EEPD1: variants seen among roughly 807,000 people sequenced by gnomAD.
EEPD1 encodes the protein endonuclease/exonuclease/phosphatase family domain containing 1, also known as endonuclease/exonuclease/phosphatase family domain-containing protein 1.
A neutral mutation model predicts 46.3 loss-of-function variants in EEPD1; 17 were observed. That is an observed-to-expected ratio of 0.37 (90% CI 0.25 to 0.55). The LOEUF is 0.55. Among genes scored for constraint, EEPD1 ranks in the 20% least tolerant of loss-of-function variants. The pLI is 0.83. For missense variants in EEPD1, 673 were observed against 745.6 expected (o/e 0.90, Z 1.13); for synonymous variants, 313 against 315.6 (o/e 0.99, Z 0.09).
chr7:36,294,642 G>A (rs992311080), intron 6 of EEPD1, among the ~76,000 whole-genome samples: 2 of 152,004 alleles, frequency 1.3e-5, no homozygotes, highest in Non-Finnish European at 2.9e-5. Flanking sequence ...TTTAACTTTT[G>A]TGTGCTTCAG....
At position 36,299,161 on chromosome 7, in the gene EEPD1, G is replaced by C; in HGVS notation, c.1665G>C (p.Gly555=). 1 of 1,614,218 alleles carries C rather than the reference G, an allele frequency of 6.2e-7. No homozygotes were observed. ...SKKDAPRNGS[G]VALERSEANI... ...AGGATGCCCCTCGGAACGGCAGCGG[G>C]GTGGCCTTGGAGCGAAGTGAAGCCA... is the stretch of plus-strand genomic sequence containing the variant. The change falls in exon 8 of 8, where the codon GGG becomes GGC. Residue 555 remains glycine (G), a synonymous_variant. Transcript: ENST00000242108.
rs773807961 is a variant in EEPD1, at chr7:36,297,098, C to T, written c.1421C>T (p.Thr474Ile). 1 of 1,614,244 alleles carries T rather than the reference C, an allele frequency of 6.2e-7. No homozygotes were observed. The highest frequency in any genetic ancestry group is 2.2e-5 in the East Asian group (1 of 44,888). ...TTCCACCACCTGATCCCCGCGCACA[C>T]CTTCACCAACATCAGCACCAAGAAC... ...EKFHHLIPAH[T>I]FTNISTKNPQ... Residue 474 changes from threonine (T) to isoleucine (I), a missense_variant, in exon 7 of 8, where the codon ACC becomes ATC. By Grantham distance (89) the Thr-to-Ile change is moderately conservative. Coordinates refer to ENST00000242108, the MANE Select transcript of EEPD1 (RefSeq NM_030636.3).
intron 2 of EEPD1, among the ~76,000 whole-genome samples, chr7:36,158,627 G>T (rs1027446165): frequency 2.0e-5 from 3 of 152,164 alleles, no homozygotes; most frequent in African/African-American, 4.8e-5. Context: ...CATGCTGGTA[G>T]CACAGAACTG....
chr7:36,243,500 T>C (rs916345323), intron 3 of EEPD1, among the ~76,000 whole-genome samples: 2 of 152,188 alleles, frequency 1.3e-5, no homozygotes, highest in African/African-American at 4.8e-5. Context: ...TTTACTGTCA[T>C]GCAGCTGAGC....
intron 2 of EEPD1, among the ~76,000 whole-genome samples, chr7:36,213,999 G>C (rs535304823): frequency 3.8e-4 from 58 of 152,336 alleles, no homozygotes; most frequent in Non-Finnish European, 6.0e-4. Flanking sequence ...ATTCAGAGAA[G>C]ATGTTGGTGG....
intron 2 of EEPD1, among the ~76,000 whole-genome samples, chr7:36,212,954 A>G (rs1052887693): frequency 2.6e-5 from 4 of 152,112 alleles, no homozygotes. Flanking sequence ...AGAGTTCAAG[A>G]CCAGCCTGGC....
In EEPD1 at chr7:36,299,074, G is replaced by A. The variant is rs1460150866; in HGVS notation, c.1578G>A (p.Gly526=). 2 of 1,613,944 alleles carry A rather than the reference G, an allele frequency of 1.2e-6. No individual in the cohort carries two copies. Among genetic ancestry groups the A allele is most frequent in the African/African-American group, 2.7e-5 (2 of 74,876 alleles). ...TTCCGGATAACTGGTCTTGGGGCGG[G>A]GTGGCTTCTGAACACTGCCCAGTGC... ...PWIPDNWSWG[G]VASEHCPVLA... The change falls in exon 8 of 8, where the codon GGG becomes GGA. Residue 526 remains glycine, a synonymous_variant. Transcript: ENST00000242108.
intron 2 of EEPD1, among the ~76,000 whole-genome samples, chr7:36,167,769 G>A (rs1365652693): frequency 6.6e-6 from 1 of 152,108 alleles, no homozygotes; most frequent in Non-Finnish European, 1.5e-5. Context: ...AGGCTGAAGT[G>A]CAGTGGCGCC....
At chr7:36,244,108 T>C (rs1268491505) in intron 3 of EEPD1, among the ~76,000 whole-genome samples, 1 of 152,080 alleles carries the variant, frequency 6.6e-6, no homozygotes, top group Non-Finnish European at 1.5e-5. Flanking sequence ...AAAAAGGGCT[T>C]AGTTAGACAC....
intron 5 of EEPD1, among the ~76,000 whole-genome samples, 175 bp downstream of exon 5, chr7:36,284,995 C>T (rs1014249857): frequency 3.3e-5 from 5 of 152,112 alleles, no homozygotes. Flanking sequence ...GTGAACTTGT[C>T]CAGGGCAGGA....
At chr7:36,175,226 A>G (rs1338025423) in intron 2 of EEPD1, among the ~76,000 whole-genome samples, 2 of 152,194 alleles carry the variant, frequency 1.3e-5, no homozygotes, top group Non-Finnish European at 2.9e-5. Flanking sequence ...GCAGCTTTAC[A>G]CTAAACTTGA....
intron 4 of EEPD1, among the ~76,000 whole-genome samples, chr7:36,282,827 G>A (rs191263512): frequency 4.6e-5 from 7 of 152,230 alleles, no homozygotes; most frequent in Middle Eastern, 3.2e-3. Flanking sequence ...CTGCAGTATT[G>A]TGGGCCCAAT....
At chr7:36,268,600 T>C (rs1787059087) in intron 3 of EEPD1, among the ~76,000 whole-genome samples, 1 of 152,188 alleles carries the variant, frequency 6.6e-6, no homozygotes, top group Admixed American at 6.5e-5. Context: ...CAATGCTGGC[T>C]CCTGGCCCCA....
At chr7:36,244,904 C>G (rs1786612205) in intron 3 of EEPD1, among the ~76,000 whole-genome samples, 1 of 150,808 alleles carries the variant, frequency 6.6e-6, no homozygotes, top group Non-Finnish European at 1.5e-5. Context: ...TCCTGAGTAG[C>G]TGGGATTATA....
chr7:36,192,707 T>A (rs953596776), intron 2 of EEPD1, among the ~76,000 whole-genome samples: 16 of 152,242 alleles, frequency 1.1e-4, no homozygotes, highest in South Asian at 4.2e-4. Context: ...ACATTTTTTT[T>A]AAAAATGAGA....
Position 36,297,003 on chromosome 7 carries a change from T to C in EEPD1, c.1326T>C (p.Asp442=), listed in dbSNP as rs146771076. The change falls in exon 7 of 8, where the codon GAT becomes GAC. Residue 442 remains aspartate (D), a synonymous_variant. Transcript: ENST00000242108. ...TLQETLKGEK[D]VIILGDFGQG... The stretch of plus-strand genomic sequence containing the variant: ...TCCTTCCACTTCCAGGAGAAAAGGA[T>C]GTCATTATCTTAGGGGATTTTGGCC... 1 of 1,613,862 alleles carries C rather than the reference T, an allele frequency of 6.2e-7. No individual in the cohort carries two copies. Among genetic ancestry groups the C allele is most frequent in the Non-Finnish European group, 8.5e-7 (1 of 1,179,910 alleles).
chr7:36,285,184 G>A (rs556377990), intron 5 of EEPD1, among the ~76,000 whole-genome samples: 69 of 152,254 alleles, frequency 4.5e-4, no homozygotes, highest in African/African-American at 1.5e-3. Flanking sequence ...GGGATTATCC[G>A]GATGGCCTAC....
chr7:36,275,667 G>C (rs1012415366), intron 3 of EEPD1, among the ~76,000 whole-genome samples: 15 of 152,074 alleles, frequency 9.9e-5, no homozygotes, highest in African/African-American at 3.1e-4. Context: ...TCACCATGTT[G>C]GTCAGGCTGG....
At chr7:36,247,378 C>A (rs1481586011) in intron 3 of EEPD1, among the ~76,000 whole-genome samples, 1 of 152,106 alleles carries the variant, frequency 6.6e-6, no homozygotes, top group Non-Finnish European at 1.5e-5. Flanking sequence ...TCTCTTATTA[C>A]GTGCTTTTGG....
Sources: allele counts gnomAD v4.1 joint callset (sites outside exome capture counted in the v4.1 genomes callset), GRCh38; gene constraint gnomAD v4.1.1; transcripts MANE v1.5; gene names NCBI Gene and HGNC (gene_info 2026-07-23, HGNC 2026-07-21).